Variants in CDH18 observed in about 807,000 individuals in gnomAD.
The protein encoded by CDH18 is cadherin 18, also known as cadherin-18.
Under a neutral mutation model 67.9 loss-of-function variants are expected in CDH18, and 31 were observed. That is an observed-to-expected ratio of 0.46 (90% CI 0.34 to 0.62). CDH18 has a LOEUF of 0.62. CDH18 is among the 20% of genes least tolerant of loss of function. CDH18 has a pLI of 0.01. For synonymous variants in CDH18, 362 were observed against 347.2 expected, an observed-to-expected ratio of 1.04 and a Z score of -0.48; for missense variants, 890 against 975.5, an observed-to-expected ratio of 0.91 and a Z score of 1.17.
chr5:19,835,691 T>G (rs777504989), intron 3 of CDH18, among the ~76,000 whole-genome samples: 10 of 151,970 alleles, frequency 6.6e-5, no homozygotes, highest in Non-Finnish European at 1.0e-4. Context: ...AGGGGGTGTG[T>G]GGGAGAAAAA....
rs76043082 is a variant in CDH18 at position 20,186,616 on chromosome 5, G to A, written c.-518+68828C>T. ...CATGAAGAGATACCACATATTACCC[G>A]CTAGAATGACTGAGAATCATTAGAA... On this transcript the variant is annotated intron_variant, in intron 2 of 14. Coordinates refer to the CDH18 transcript ENST00000507958. 5.8e-3 allele frequency among the ~76,000 whole-genome samples: 881 copies of A among 151,942 alleles called. 9 individuals are homozygous for A. Among genetic ancestry groups the A allele is most frequent in the African/African-American group, 0.02 (839 of 41,508 alleles).
chr5:19,560,794 A>C (rs1739306118), intron 8 of CDH18, among the ~76,000 whole-genome samples: 1 of 152,178 alleles, frequency 6.6e-6, no homozygotes, highest in South Asian at 2.1e-4. Flanking sequence ...AGAATCTACA[A>C]GGAACTTAAA....
At chr5:19,594,480 T>C (rs893861116) in intron 6 of CDH18, among the ~76,000 whole-genome samples, 1 of 152,114 alleles carries the variant, frequency 6.6e-6, no homozygotes, top group Non-Finnish European at 1.5e-5. Context: ...CTTTTCTCAT[T>C]GTGTATTCTT....
chr5:19,952,656 T>C (rs1579769588), intron 2 of CDH18, among the ~76,000 whole-genome samples: 1 of 152,290 alleles, frequency 6.6e-6, no homozygotes, highest in East Asian at 1.9e-4. Context: ...ACTTGTGAAA[T>C]TATATTTCAT....
At chr5:19,567,193 A>ATAATT (rs2149913346) in intron 8 of CDH18, among the ~76,000 whole-genome samples, 1 of 152,264 alleles carries the variant, frequency 6.6e-6, no homozygotes, top group South Asian at 2.1e-4. Flanking sequence ...ACACTAGATA[A>ATAATT]TAATTTATTT....
rs542174660 is a variant in CDH18, at chr5:19,939,400, T to C, written c.-257+41660A>G. Among the ~76,000 whole-genome samples the C allele has an allele frequency of 4.3e-5, 5 of 117,464 alleles. No homozygotes were observed. The South Asian group carries it at 1.5e-3, about 36-fold the overall frequency. The allele number at this position is 117,464 out of a possible 152,430, so 77.1% of individuals were successfully genotyped here. A position where few individuals can be genotyped will look rare whatever the true frequency, so the allele number is the denominator to read the frequency against. On this transcript the variant is annotated intron_variant, in intron 2 of 12. Coordinates refer to ENST00000382275, the MANE Select transcript of CDH18 (RefSeq NM_004934.5). Reference sequence around the variant, plus strand: ...TACAAGCAACCAAATAAAGGCAGTCTAGCCTTTTATTATATACTTATTTAA... The same window carrying C: ...TACAAGCAACCAAATAAAGGCAGTCCAGCCTTTTATTATATACTTATTTAA...
intron 5 of CDH18, among the ~76,000 whole-genome samples, chr5:19,695,655 GGGCTGTAA>G (rs1390759701): frequency 6.6e-6 from 1 of 152,092 alleles, no homozygotes. Context: ...GCATCCTGGG[GGGCTGTAA>G]TCAGGAATGG....
chr5:20,463,410 G>A (rs1581047319), intron 1 of CDH18, among the ~76,000 whole-genome samples: 1 of 152,062 alleles, frequency 6.6e-6, no homozygotes, highest in East Asian at 1.9e-4. Context: ...ACCCGAGACT[G>A]GGTAATTTAT....
At chr5:20,447,313 C>T (rs1312601019) in intron 1 of CDH18, among the ~76,000 whole-genome samples, 2 of 151,540 alleles carry the variant, frequency 1.3e-5, no homozygotes, top group East Asian at 1.9e-4. Context: ...TATTAAGAGG[C>T]GAAGCCTTTA....
At chr5:20,100,633 T>C (rs1746375275) in intron 2 of CDH18, among the ~76,000 whole-genome samples, 1 of 152,168 alleles carries the variant, frequency 6.6e-6, no homozygotes, top group African/African-American at 2.4e-5. Flanking sequence ...GTTAATTCTA[T>C]AACACCGAAA....
At chr5:20,273,558 G>A (rs779775630) in intron 1 of CDH18, among the ~76,000 whole-genome samples, 1 of 151,970 alleles carries the variant, frequency 6.6e-6, no homozygotes, top group Non-Finnish European at 1.5e-5. Context: ...GTTGCCCAGT[G>A]CTTGATATTT....
chr5:19,889,041 T>C lies in CDH18; in HGVS notation c.-256-49799A>G, dbSNP rs547081060. Among the ~76,000 whole-genome samples the C allele has an allele frequency of 5.3e-5, 8 of 152,252 alleles. No individual in the cohort carries two copies. The South Asian group carries it at 1.7e-3, about 32-fold the overall frequency. ...CACATAATATATGCACATCCTCCCA[T>C]ATACTTCAAATCATCATTAGATTGC... On this transcript the variant is annotated intron_variant, in intron 2 of 12. Transcript: ENST00000382275.
intron 5 of CDH18, among the ~76,000 whole-genome samples, chr5:19,661,935 C>A (rs1004813469): frequency 2.0e-4 from 30 of 151,990 alleles, no homozygotes; most frequent in African/African-American, 6.5e-4. Flanking sequence ...GGGGAAGATA[C>A]AATAAGTCAG....
chr5:20,367,327 C>A (rs4608926), intron 1 of CDH18, among the ~76,000 whole-genome samples: 3 of 152,050 alleles, frequency 2.0e-5, no homozygotes, highest in Non-Finnish European at 4.4e-5. Flanking sequence ...CACCAGACCC[C>A]ATAATGCCAG....
At chr5:20,188,751 C>A (rs1417325906) in intron 2 of CDH18, among the ~76,000 whole-genome samples, 1 of 147,788 alleles carries the variant, frequency 6.8e-6, no homozygotes, top group East Asian at 2.1e-4. Context: ...TTGATCCAAG[C>A]ACAAAACCAT....
chr5:19,980,802 T>C (rs1231511601), intron 2 of CDH18, among the ~76,000 whole-genome samples: 1 of 152,170 alleles, frequency 6.6e-6, no homozygotes, highest in Non-Finnish European at 1.5e-5. Context: ...TTGACTGCAT[T>C]TTATCCCCAC....
chr5:19,929,647 G>A (rs1465339698), intron 2 of CDH18, among the ~76,000 whole-genome samples: 1 of 152,024 alleles, frequency 6.6e-6, no homozygotes, highest in African/African-American at 2.4e-5. Flanking sequence ...GGACTAGTCT[G>A]CATGGTATTT....
intron 2 of CDH18, among the ~76,000 whole-genome samples, chr5:19,891,743 T>G (rs909024690): frequency 1.3e-5 from 2 of 152,180 alleles, no homozygotes; most frequent in Non-Finnish European, 2.9e-5. Flanking sequence ...ACATCAGCTT[T>G]GGAAATGATA....
At chr5:19,721,174 C>G (rs1754715547) in intron 5 of CDH18, among the ~76,000 whole-genome samples, 173 bp downstream of exon 5, 1 of 152,092 alleles carries the variant, frequency 6.6e-6, no homozygotes, top group Admixed American at 6.5e-5. Context: ...AATATATGTA[C>G]ATTAATTTAT....
Sources: gnomAD v4.1 joint callset for allele counts (sites outside exome capture counted in the v4.1 genomes callset) on GRCh38, gnomAD v4.1.1 for gene constraint, MANE v1.5 for transcripts, NCBI Gene and HGNC (gene_info 2026-07-23, HGNC 2026-07-21) for gene names.